The following SORT1 variants were observed in gnomAD, a reference collection of about 807,000 sequenced individuals.
The protein encoded by SORT1 is sortilin.
In SORT1, 39 loss-of-function variants were observed where a neutral mutation model predicts 101.7. The ratio of observed to expected loss-of-function variants is 0.38; its 90% CI spans 0.30 to 0.50. The LOEUF is 0.50. Ranked by LOEUF, SORT1 falls within the 20% of genes least tolerant of loss-of-function variation. The probability of loss-of-function intolerance (pLI) is 0.90; values close to 1 mark genes in which losing one functional copy is unlikely to be tolerated. For missense variants in SORT1, 878 were observed against 1,040.4 expected, an observed-to-expected ratio of 0.84 and a Z score of 2.15; for synonymous variants, 396 against 393.7, an observed-to-expected ratio of 1.01 and a Z score of -0.07.
chr1:109,382,170 C>T (rs551424298), intron 1 of SORT1, among the ~76,000 whole-genome samples: 61 of 152,252 alleles, frequency 4.0e-4, no homozygotes, highest in Admixed American at 7.8e-4. Flanking sequence ...AAGTCTCACT[C>T]TGTTGCCCAG....
chr1:109,354,122 A>G (rs1462963085), intron 5 of SORT1, among the ~76,000 whole-genome samples: 2 of 152,230 alleles, frequency 1.3e-5, no homozygotes, highest in Non-Finnish European at 2.9e-5. Flanking sequence ...CTCCAATACC[A>G]TACATTTAGT....
At chr1:109,391,192 G>A (rs932261138) in intron 1 of SORT1, among the ~76,000 whole-genome samples, 2 of 152,116 alleles carry the variant, frequency 1.3e-5, no homozygotes, top group Non-Finnish European at 2.9e-5. Context: ...AGAGAAAAAT[G>A]TCTTTCATAA....
At chr1:109,317,614 G>A (rs554931405) in intron 16 of SORT1, among the ~76,000 whole-genome samples, 16 of 152,300 alleles carry the variant, frequency 1.1e-4, no homozygotes, top group African/African-American at 1.4e-4. Context: ...GGATCTGGCC[G>A]AGCTTGTTCT....
At chr1:109,352,399 C>T (rs567266938) in intron 5 of SORT1, among the ~76,000 whole-genome samples, 1 of 152,224 alleles carries the variant, frequency 6.6e-6, no homozygotes, top group South Asian at 2.1e-4. Context: ...AGAAGCCAAA[C>T]AATTAGAGTT....
intron 8 of SORT1, among the ~76,000 whole-genome samples, chr1:109,343,967 T>C (rs1649411068): frequency 6.6e-6 from 1 of 152,102 alleles, no homozygotes. Flanking sequence ...GAATTCTTGA[T>C]TTTTCTCCCA....
At chr1:109,346,166 AGCCAGGCGTGGTGGTG>A (rs1382660520) in intron 7 of SORT1, among the ~76,000 whole-genome samples, 4 of 151,784 alleles carry the variant, frequency 2.6e-5, no homozygotes, top group Admixed American at 6.6e-5. Context: ...AAAAAAATTT[AGCCAGGCGTGGTGGTG>A]GGCGCCTGTA....
chr1:109,340,871 A>C lies in SORT1; in HGVS notation c.1117T>G (p.Phe373Val), dbSNP rs562565441. 1 of 1,611,090 alleles carries C rather than the reference A, an allele frequency of 6.2e-7. No homozygotes were observed. The highest frequency in any genetic ancestry group is 8.5e-7 in the Non-Finnish European group (1 of 1,178,052). Residue 373 changes from phenylalanine to valine, a missense_variant, in exon 10 of 20, where the codon TTT becomes GTT. Transcript: ENST00000256637. ...TCATCTGAGGTAAAGATTGTGCCAA[A>C]CCCAGTGTCTGAAATAGGCAAACAA... The part of the protein sequence containing the change: ...MHVDEPGDTG[F>V]GTIFTSDDRG...
chr1:109,356,232 G>A (rs1009596321), intron 3 of SORT1, among the ~76,000 whole-genome samples: 2 of 152,186 alleles, frequency 1.3e-5, no homozygotes, highest in East Asian at 1.9e-4. Flanking sequence ...TAAGTGGGTA[G>A]TGGCCAGCGA....
chr1:109,358,486 ATAAT>A (rs1218186795), intron 3 of SORT1, among the ~76,000 whole-genome samples: 4 of 152,298 alleles, frequency 2.6e-5, no homozygotes, highest in Non-Finnish European at 5.9e-5. Flanking sequence ...ATTCCATATG[ATAAT>A]TAATAGCGTT....
intron 2 of SORT1, among the ~76,000 whole-genome samples, chr1:109,369,046 G>A (rs540107754): frequency 1.4e-5 from 2 of 145,722 alleles, no homozygotes; most frequent in Non-Finnish European, 3.0e-5. Context: ...CCGGCCAGGC[G>A]CAGTGGCTCA....
chr1:109,368,633 C>G (rs1651259583), intron 2 of SORT1: 1 of 152,120 alleles, frequency 6.6e-6, no homozygotes, highest in Non-Finnish European at 1.5e-5. Context: ...GACCAGGGGC[C>G]AATGTATCCT....
chr1:109,324,264 GACCCGCCACCTTACAGGC>G (rs1371228732), intron 14 of SORT1, among the ~76,000 whole-genome samples: 1 of 151,980 alleles, frequency 6.6e-6, no homozygotes, highest in African/African-American at 2.4e-5. Flanking sequence ...AACTAGCTGG[GACCCGCCACCTTACAGGC>G]ACCCGCCACC....
Position 109,313,772 on chromosome 1 carries a change from C to A in SORT1, c.*271G>T. On this transcript the variant is annotated 3_prime_UTR_variant, in exon 20 of 20. Transcript: ENST00000256637. The stretch of plus-strand genomic sequence containing the variant: ...CTTAAAAAACAAAAACAAAAAAGCC[C>A]ATACTTTGCAAAGAGACAGGACGAG... The A allele has an allele frequency of 2.0e-6, 1 of 507,614 alleles. No homozygotes were observed. Among genetic ancestry groups the A allele is most frequent in the Non-Finnish European group, 3.5e-6 (1 of 288,982 alleles). 31.4% of individuals were successfully genotyped at this position (507,614 alleles called of 1,614,324 possible).
At chr1:109,347,442 G>A (rs1244244727) in intron 7 of SORT1, 41 bp downstream of exon 7, 1 of 1,406,548 alleles carries the variant, frequency 7.1e-7, no homozygotes, top group Admixed American at 1.7e-5. Flanking sequence ...TACCATGAAT[G>A]GACAACAGGA....
chr1:109,334,000 G>C (rs1648638037), intron 11 of SORT1, among the ~76,000 whole-genome samples: 1 of 152,174 alleles, frequency 6.6e-6, no homozygotes, highest in Non-Finnish European at 1.5e-5. Flanking sequence ...CAAAAAATTA[G>C]CCGGGCGTGG....
intron 1 of SORT1, among the ~76,000 whole-genome samples, chr1:109,371,651 C>T (rs1034909066): frequency 2.6e-5 from 4 of 152,190 alleles, no homozygotes; most frequent in Non-Finnish European, 5.9e-5. Flanking sequence ...CCACATTTTC[C>T]TATTGCTCAA....
At chr1:109,381,557 T>C (rs748585658) in intron 1 of SORT1, among the ~76,000 whole-genome samples, 1 of 152,164 alleles carries the variant, frequency 6.6e-6, no homozygotes, top group Non-Finnish European at 1.5e-5. Flanking sequence ...TGACATCATA[T>C]GTGCATATTT....
chr1:109,381,636 G>A (rs773683314), intron 1 of SORT1, among the ~76,000 whole-genome samples: 2 of 152,174 alleles, frequency 1.3e-5, no homozygotes, highest in Non-Finnish European at 2.9e-5. Context: ...TTGGGAGGAT[G>A]AGGCAGAACA....
intron 1 of SORT1, among the ~76,000 whole-genome samples, chr1:109,381,563 T>C (rs1392365351): frequency 6.6e-6 from 1 of 152,172 alleles, no homozygotes; most frequent in Non-Finnish European, 1.5e-5. Context: ...CATATGTGCA[T>C]ATTTATGGTT....
Sources: allele counts gnomAD v4.1 joint callset (sites outside exome capture counted in the v4.1 genomes callset), GRCh38; gene constraint gnomAD v4.1.1; transcripts MANE v1.5; gene names NCBI Gene and HGNC (gene_info 2026-07-23, HGNC 2026-07-21).